The following PCDH18 variants were observed in gnomAD, a reference collection of about 807,000 sequenced individuals.
PCDH18 encodes protocadherin 18.
In PCDH18, 38 loss-of-function variants were observed where a neutral mutation model predicts 71.5. The ratio of observed to expected loss-of-function variants is 0.53; its 90% CI spans 0.41 to 0.70. PCDH18 has a LOEUF of 0.70. Ranked by LOEUF, PCDH18 falls within the 30% of genes least tolerant of loss-of-function variation. The pLI is 0.00. For synonymous variants in PCDH18, 565 were observed against 505.4 expected (o/e 1.12, Z -1.58); for missense variants, 1,334 against 1,384.6 (o/e 0.96, Z 0.58).
rs1004496232 is a variant in PCDH18, at chr4:137,519,998, A to T, written c.*1031T>A. Reference sequence around the variant, plus strand: ...TATGAGATCATGCACTGGAGACAAAAGCTAAAAATGAATAGTTATAACAAA... The same window carrying T: ...TATGAGATCATGCACTGGAGACAAATGCTAAAAATGAATAGTTATAACAAA... On this transcript the variant is annotated 3_prime_UTR_variant, in exon 4 of 4. Transcript: ENST00000344876. 6.5e-6 allele frequency: 1 copy of T among 152,732 alleles called. No homozygotes were observed. The highest frequency in any genetic ancestry group is 1.9e-4 in the East Asian group (1 of 5,184). The allele number at this position is 152,732 out of a possible 1,614,324, so 9.5% of individuals were successfully genotyped here.
chr4:137,525,779 A>G (rs542841756), intron 3 of PCDH18, among the ~76,000 whole-genome samples: 49 of 152,258 alleles, frequency 3.2e-4, no homozygotes, highest in African/African-American at 1.2e-3. Context: ...TTGTAACACA[A>G]TGTTATGCAC....
chr4:137,524,016 C>T (rs1266196048), intron 3 of PCDH18, among the ~76,000 whole-genome samples: 1 of 152,078 alleles, frequency 6.6e-6, no homozygotes, highest in Admixed American at 6.6e-5. Context: ...TATTGTCAAC[C>T]TTGTCCCCAG....
intron 3 of PCDH18, among the ~76,000 whole-genome samples, chr4:137,528,063 C>A (rs1731530658): frequency 6.6e-6 from 1 of 152,136 alleles, no homozygotes; most frequent in Admixed American, 6.5e-5. Flanking sequence ...ATGCATCCTC[C>A]AAATTACAGT....
Position 137,521,224 on chromosome 4 carries a change from C to A in PCDH18, c.3213G>T (p.Pro1071=). 6.2e-7 allele frequency: 1 copy of A among 1,613,736 alleles called. No individual in the cohort carries two copies. Reference sequence around the variant, plus strand: ...GCACACTGGAGTGAGTTCCAAGTGGCGGCCCACAGTTGGTGGTGGGATTTT... The same window carrying A: ...GCACACTGGAGTGAGTTCCAAGTGGAGGCCCACAGTTGGTGGTGGGATTTT... The part of the protein sequence containing the change: ...HFQNPTTNCG[P]PLGTHSSVQP... Residue 1071 remains proline (P), a synonymous_variant, in exon 4 of 4, where the codon CCG becomes CCT. Transcript: ENST00000344876.
rs1037931052 is a variant in PCDH18 at position 137,519,028 on chromosome 4, G to C, written c.*2001C>G. On this transcript the variant is annotated 3_prime_UTR_variant, in exon 4 of 4. Transcript: ENST00000344876. ...GGTGCTTTAAATTAAGAACAGTGAG[G>C]ATATAAAAGTCTTTTTCTTAATGGT... 4.6e-5 allele frequency: 7 copies of C among 152,154 alleles called. No homozygotes were observed. Among genetic ancestry groups the C allele is most frequent in the African/African-American group, 1.7e-4 (7 of 41,438 alleles). 9.4% of individuals were successfully genotyped at this position (152,154 alleles called of 1,614,324 possible).
rs1578749457 is a variant in PCDH18 at position 137,530,759 on chromosome 4, T to C, written c.1330A>G (p.Ser444Gly). The C allele has an allele frequency of 6.2e-7, 1 of 1,612,788 alleles. No homozygotes were observed. The highest frequency in any genetic ancestry group is 1.1e-5 in the South Asian group (1 of 91,056). Residue 444 changes from serine (S) to glycine (G), a missense_variant, in exon 1 of 4, where the codon AGT (serine) becomes GGT (glycine). Physicochemically the swap from Ser to Gly is moderately conservative, Grantham distance 56 (BLOSUM62 0). Around this residue, in one of 3 missense-constraint regions of PCDH18, gnomAD observed 1,011 missense variants for 1,048.0 expected, o/e 0.96. Coordinates refer to ENST00000344876, the MANE Select transcript of PCDH18 (RefSeq NM_019035.5). ...GTAAAATGTTTCACTGTAGAGAGAC[T>C]GGGTGTCCCCCTGTCCTCAGCGATT... Reference protein sequence around the residue: ...TVIAEDRGTPSLSTVKHFTVQ... With the variant: ...TVIAEDRGTPGLSTVKHFTVQ...
Position 137,531,533 on chromosome 4 carries a change from C to A in PCDH18, c.556G>T (p.Val186Phe), listed in dbSNP as rs1731695748. The A allele has an allele frequency of 1.2e-6, 2 of 1,613,436 alleles. No individual in the cohort carries two copies. The highest frequency in any genetic ancestry group is 1.3e-5 in the African/African-American group (1 of 74,994). The part of the protein sequence containing the change: ...LSANDFFNIE[V>F]RTRTDGAKYA... Reference sequence around the variant, plus strand: ...TTGGCTCCATCAGTCCTGGTCCGAACCTCGATATTAAAAAAATCATTGGCA... The same window carrying A: ...TTGGCTCCATCAGTCCTGGTCCGAAACTCGATATTAAAAAAATCATTGGCA... The change falls in exon 1 of 4, where the codon GTT (valine) becomes TTT (phenylalanine). Residue 186 changes from valine (V) to phenylalanine (F), a missense_variant. By Grantham distance (50) the Val-to-Phe change is conservative (BLOSUM62 -1). Around this residue, in one of 3 missense-constraint regions of PCDH18, gnomAD observed 1,011 missense variants for 1,048.0 expected, o/e 0.96. Transcript: ENST00000344876.
intron 3 of PCDH18, among the ~76,000 whole-genome samples, chr4:137,524,223 C>T (rs950554568): frequency 2.0e-5 from 3 of 152,110 alleles, no homozygotes; most frequent in Non-Finnish European, 2.9e-5. Flanking sequence ...TTCTTCACCA[C>T]TATAAGACTA....
chr4:137,525,030 G>C (rs1047779176), intron 3 of PCDH18, among the ~76,000 whole-genome samples: 7 of 151,700 alleles, frequency 4.6e-5, no homozygotes, highest in African/African-American at 1.5e-4. Context: ...ACGACAGACT[G>C]ATGAAAAGTG....
intron 3 of PCDH18, among the ~76,000 whole-genome samples, chr4:137,523,221 A>G (rs1006959399): frequency 5.3e-5 from 8 of 152,294 alleles, no homozygotes; most frequent in Middle Eastern, 3.4e-3. Flanking sequence ...AGCATGAAGA[A>G]AAATTGTGCA....
At position 137,521,013 on chromosome 4, in the gene PCDH18, G is replaced by A. The variant is rs773096105; in HGVS notation, c.*16C>T. On this transcript the variant is annotated 3_prime_UTR_variant, in exon 4 of 4. Transcript: ENST00000344876. ...TTTCCATATACATGGAAACAAAAATGCTTCGCTAAAATCTCCTAGCTCTGG... is the reference window on the plus strand; with the variant it reads ...TTTCCATATACATGGAAACAAAAATACTTCGCTAAAATCTCCTAGCTCTGG... The A allele has an allele frequency of 6.5e-7, 1 of 1,537,698 alleles. No homozygotes were observed. Among genetic ancestry groups the A allele is most frequent in the Non-Finnish European group, 8.8e-7 (1 of 1,138,752 alleles).
chr4:137,531,556 G>T lies in PCDH18; in HGVS notation c.533C>A (p.Ala178Asp), dbSNP rs1731697211. 2 of 1,613,234 alleles carry T rather than the reference G, an allele frequency of 1.2e-6. No homozygotes were observed. Among genetic ancestry groups the T allele is most frequent in the Non-Finnish European group, 1.7e-6 (2 of 1,179,566 alleles). Residue 178 changes from alanine (A) to aspartate (D), a missense_variant, in exon 1 of 4, where the codon GCC becomes GAC. Ala to Asp is a moderately radical substitution (Grantham distance 126). Transcript: ENST00000344876. Reference sequence around the variant, plus strand: ...AACCTCGATATTAAAAAAATCATTGGCAGAGAGCGAGTATGTGTGGAGGGA... The same window carrying T: ...AACCTCGATATTAAAAAAATCATTGTCAGAGAGCGAGTATGTGTGGAGGGA... ...ENSLHTYSLS[A>D]NDFFNIEVRT...
chr4:137,528,682 C>T (rs756525270), intron 2 of PCDH18, 41 bp from the exon 3 acceptor site: 13 of 1,606,902 alleles, frequency 8.1e-6, no homozygotes, highest in Non-Finnish European at 1.1e-5. Flanking sequence ...AGTTTTTACT[C>T]TTCAGCATTT....
chr4:137,531,607 G>A lies in PCDH18; in HGVS notation c.482C>T (p.Ala161Val). The A allele has an allele frequency of 6.2e-7, 1 of 1,613,716 alleles. No homozygotes were observed. The highest frequency in any genetic ancestry group is 8.5e-7 in the Non-Finnish European group (1 of 1,179,700). The change falls in exon 1 of 4, where the codon GCA becomes GTA. Residue 161 changes from alanine to valine, a missense_variant. Ala to Val is a moderately conservative substitution (Grantham distance 64). Around this residue, in one of 3 missense-constraint regions of PCDH18, gnomAD observed 1,011 missense variants for 1,048.0 expected, o/e 0.96. Coordinates refer to ENST00000344876, the MANE Select transcript of PCDH18 (RefSeq NM_019035.5). ...ATTTTCCCCAACATCTGGATCAAAT[G>A]CACTGTCCAGGGGAATGCGAGTCCC... Reference protein sequence around the residue: ...AVGTRIPLDSAFDPDVGENSL... With the variant: ...AVGTRIPLDSVFDPDVGENSL...
Position 137,531,862 on chromosome 4 carries a change from AGAG to A in PCDH18, c.224_226del (p.Pro75del), listed in dbSNP as rs779667313. 5.0e-6 allele frequency: 8 copies of A among 1,613,952 alleles called. No individual in the cohort carries two copies. The Admixed American group carries it at 1.3e-4, about 27-fold the overall frequency. On this transcript the variant is annotated inframe_deletion, in exon 1 of 4. Transcript: ENST00000344876. ...CCCATTATCCTCGTTTACTACAAGTAGAGGAGAATTTCCCCTCTGCATGGCTCG... is the reference window on the plus strand; with the variant it reads ...CCCATTATCCTCGTTTACTACAAGTAGAGAATTTCCCCTCTGCATGGCTCG...
At chr4:137,528,911 A>G (rs923435802) in intron 1 of PCDH18, 91 bp from the exon 2 acceptor site, 72 of 901,284 alleles carry the variant, frequency 8.0e-5, no homozygotes, top group African/African-American at 7.6e-4. Flanking sequence ...TTGCTATTTC[A>G]ACTAAGTAAT....
In PCDH18 at chr4:137,531,708, C is replaced by G. The variant is rs756049728; in HGVS notation, c.381G>C (p.Val127=). 2.5e-6 allele frequency: 4 copies of G among 1,614,068 alleles called. No homozygotes were observed. In the South Asian group the frequency reaches 4.4e-5, roughly 18 times the overall value. ...HLQLFHIEVE[V]LDINDNSPQF... ...GGGGAGAATTGTCATTAATATCCAG[C>G]ACTTCAACTTCAATATGGAAAAGCT... is the stretch of plus-strand genomic sequence containing the variant. The change falls in exon 1 of 4, where the codon GTG becomes GTC. Residue 127 remains valine (V), a synonymous_variant. Coordinates refer to ENST00000344876, the MANE Select transcript of PCDH18 (RefSeq NM_019035.5).
intron 1 of PCDH18, chr4:137,529,381 T>A: frequency 2.3e-6 from 1 of 443,406 alleles, no homozygotes; most frequent in South Asian, 6.1e-5. Context: ...TATTTTTCAA[T>A]ATTACACATA....
chr4:137,529,822 TTG>T lies in PCDH18; in HGVS notation c.2265_2266del (p.His755GlnfsTer74). 2 of 1,611,426 alleles carry T rather than the reference TTG, an allele frequency of 1.2e-6. No individual in the cohort carries two copies. Among genetic ancestry groups the T allele is most frequent in the Non-Finnish European group, 1.7e-6 (2 of 1,178,144 alleles). On this transcript the variant is annotated frameshift_variant, in exon 1 of 4. Transcript: ENST00000344876. LOFTEE classifies it high-confidence loss of function. Reference sequence around the variant, plus strand: ...GGTAGGCACCAATGTGATGTCCCCTTTGTGAATCTGCCGGGATGGCCTTTTTG... The same window carrying T: ...GGTAGGCACCAATGTGATGTCCCCTTTGAATCTGCCGGGATGGCCTTTTTG...
Sources: allele counts gnomAD v4.1 joint callset (sites outside exome capture counted in the v4.1 genomes callset), GRCh38; gene constraint gnomAD v4.1.1; regional missense constraint gnomAD v4.1.1; transcripts MANE v1.5; gene names NCBI Gene and HGNC (gene_info 2026-07-23, HGNC 2026-07-21).